INSC: variants seen among roughly 807,000 people sequenced by gnomAD.
INSC encodes the protein protein inscuteable homolog.
A neutral mutation model predicts 58.6 loss-of-function variants in INSC; 67 were observed. That is an observed-to-expected ratio of 1.14 (90% CI 0.94 to 1.40). The LOEUF is 1.40. Ranked by LOEUF, INSC falls within the 40% of genes most tolerant of loss-of-function variation. The probability of loss-of-function intolerance (pLI) is 0.00; values close to 1 mark genes in which losing one functional copy is unlikely to be tolerated. For missense variants in INSC, 714 were observed against 692.0 expected, an observed-to-expected ratio of 1.03 and a Z score of -0.36; for synonymous variants, 262 against 276.1, an observed-to-expected ratio of 0.95 and a Z score of 0.51.
chr11:15,121,025 T>G (rs1283167275), intron 1 of INSC, among the ~76,000 whole-genome samples: 1 of 148,644 alleles, frequency 6.7e-6, no homozygotes, highest in Non-Finnish European at 1.5e-5. Flanking sequence ...CACTGTATAT[T>G]TTTATAATAT....
intron 7 of INSC, among the ~76,000 whole-genome samples, chr11:15,211,151 C>T (rs1851011336): frequency 6.6e-6 from 1 of 152,166 alleles, no homozygotes; most frequent in South Asian, 2.1e-4. Context: ...AGGAGTGTTT[C>T]GTTCTCTCTT....
intron 6 of INSC, 42 bp from the exon 7 acceptor site, chr11:15,200,782 G>C: frequency 6.2e-7 from 1 of 1,612,000 alleles, no homozygotes; most frequent in Non-Finnish European, 8.5e-7. Context: ...CCCCAGACAA[G>C]GTCACACAGT....
intron 7 of INSC, among the ~76,000 whole-genome samples, chr11:15,215,853 A>G (rs1334185521): frequency 3.3e-5 from 5 of 152,166 alleles, no homozygotes; most frequent in Non-Finnish European, 5.9e-5. Flanking sequence ...ATGCATGTTC[A>G]CAGAGGAAGT....
chr11:15,136,905 G>GGATTT (rs1848257582), intron 1 of INSC, among the ~76,000 whole-genome samples: 1 of 152,048 alleles, frequency 6.6e-6, no homozygotes, highest in South Asian at 2.1e-4. Flanking sequence ...CTTTCTAAAA[G>GGATTT]GATTTCAATT....
chr11:15,269,155 A>C, the INSC span, among the ~76,000 whole-genome samples: 1 of 152,038 alleles, frequency 6.6e-6, no homozygotes, highest in Non-Finnish European at 1.5e-5. Flanking sequence ...TTCATTAAAT[A>C]GTTATTATTT....
the INSC span, among the ~76,000 whole-genome samples, chr11:15,258,078 G>C: frequency 6.6e-6 from 1 of 152,098 alleles, no homozygotes; most frequent in Non-Finnish European, 1.5e-5. Context: ...AGTATATATG[G>C]GAAAATGTTG....
intron 5 of INSC, among the ~76,000 whole-genome samples, chr11:15,182,477 A>T (rs562301652): frequency 1.3e-5 from 2 of 152,180 alleles, no homozygotes; most frequent in Non-Finnish European, 2.9e-5. Context: ...TGGGGAAAAA[A>T]ATGCCTCCTT....
At chr11:15,161,747 G>T (rs934237535) in intron 2 of INSC, among the ~76,000 whole-genome samples, 1 of 152,196 alleles carries the variant, frequency 6.6e-6, no homozygotes, top group Non-Finnish European at 1.5e-5. Flanking sequence ...AAGCCCCCAT[G>T]CACAGTAAGG....
intron 2 of INSC, among the ~76,000 whole-genome samples, chr11:15,175,343 T>C (rs1849535328): frequency 6.6e-6 from 1 of 152,236 alleles, no homozygotes; most frequent in African/African-American, 2.4e-5. Flanking sequence ...TCACTTAGTG[T>C]AACCATTATT....
intron 5 of INSC, among the ~76,000 whole-genome samples, chr11:15,180,100 C>CA (rs1053458738): frequency 4.0e-5 from 6 of 151,558 alleles, no homozygotes; most frequent in East Asian, 1.9e-4. Context: ...ACTGAAAATG[C>CA]AAAAAAAATA....
the INSC span, among the ~76,000 whole-genome samples, chr11:15,252,706 A>G: frequency 6.6e-6 from 1 of 152,228 alleles, no homozygotes. Flanking sequence ...ATGTAACTGA[A>G]TCTAGCCCTC....
At position 15,163,868 on chromosome 11, in the gene INSC, G is replaced by A. The variant is rs530860693; in HGVS notation, c.57-11873G>A. Among the ~76,000 whole-genome samples, 7 of 152,304 alleles carry A rather than the reference G, an allele frequency of 4.6e-5. No homozygotes were observed. In the South Asian group the frequency reaches 6.2e-4, roughly 14 times the overall value. ...CTCCCAGAGTGCTGGGATTATAGGC[G>A]TGAGCCACCATATCTGGCCTCCTTT... is the stretch of plus-strand genomic sequence containing the variant. On this transcript the variant is annotated intron_variant, in intron 2 of 12. Transcript: ENST00000379556.
intron 1 of INSC, among the ~76,000 whole-genome samples, chr11:15,139,364 G>A (rs1848317200): frequency 6.6e-6 from 1 of 152,206 alleles, no homozygotes; most frequent in African/African-American, 2.4e-5. Flanking sequence ...CAGTGGGAGA[G>A]GTCTCTCACT....
chr11:15,121,547 T>C (rs570768020), intron 1 of INSC, among the ~76,000 whole-genome samples: 1 of 152,346 alleles, frequency 6.6e-6, no homozygotes, highest in African/African-American at 2.4e-5. Flanking sequence ...AAGAATAATG[T>C]CTGCCAGTTT....
intron 1 of INSC, among the ~76,000 whole-genome samples, chr11:15,122,142 T>G (rs1847889096): frequency 6.6e-6 from 1 of 152,244 alleles, no homozygotes; most frequent in Non-Finnish European, 1.5e-5. Flanking sequence ...GTATATTTAT[T>G]TCTCCAATCA....
rs750412435 is a variant in INSC at position 15,178,418 on chromosome 11, C to T, written c.550C>T (p.Leu184=). The change falls in exon 5 of 13, where the codon CTG becomes TTG. Residue 184 remains leucine (L), a synonymous_variant. Coordinates refer to ENST00000379556, the MANE Select transcript of INSC (RefSeq NM_001042536.3). ...GCTGGGCCAGCACTTTGGTCAGCTG[C>T]TGGAGCTGGCCCTGACACGGGAGGT... ...SMLGQHFGQL[L]ELALTREVQA... is the part of the protein sequence containing the mutation. The T allele has an allele frequency of 5.0e-6, 8 of 1,612,282 alleles. No individual in the cohort carries two copies. The African/African-American group carries it at 9.3e-5, about 19-fold the overall frequency.
intron 5 of INSC, 23 bp downstream of exon 5, chr11:15,178,470 G>A: frequency 6.2e-7 from 1 of 1,602,930 alleles, no homozygotes; most frequent in African/African-American, 1.3e-5. Flanking sequence ...TGGGCTGCAG[G>A]GAGGGGTGCT....
intron 2 of INSC, 105 bp from the exon 3 acceptor site, chr11:15,175,636 C>A: frequency 1.3e-6 from 1 of 769,332 alleles, no homozygotes; most frequent in Non-Finnish European, 2.0e-6. Flanking sequence ...AGAAACACTG[C>A]TAAACATATA....
intron 7 of INSC, among the ~76,000 whole-genome samples, chr11:15,206,362 G>A (rs976443977): frequency 6.6e-6 from 1 of 152,198 alleles, no homozygotes; most frequent in Non-Finnish European, 1.5e-5. Context: ...GTCTTAACAA[G>A]GGCAGGGGCA....
Sources: allele counts gnomAD v4.1 joint callset (sites outside exome capture counted in the v4.1 genomes callset), GRCh38; gene constraint gnomAD v4.1.1; transcripts MANE v1.5; gene names NCBI Gene and HGNC (gene_info 2026-07-23, HGNC 2026-07-21).